The following SLC18A1 variants were observed in gnomAD, a reference collection of about 807,000 sequenced individuals.
The protein encoded by SLC18A1 is chromaffin granule amine transporter.
In SLC18A1, 69 loss-of-function variants were observed where a neutral mutation model predicts 53.7. The observed-to-expected ratio is 1.28, with a 90% CI of 1.06 to 1.57. The LOEUF (loss-of-function observed/expected upper bound fraction) is 1.57, where lower values mean the gene tolerates loss of function less well. SLC18A1 is among the 40% of genes most tolerant of loss of function. The pLI is 0.00. For missense variants in SLC18A1, 932 were observed against 668.1 expected (o/e 1.40, Z -4.35); for synonymous variants, 320 against 248.1 (o/e 1.29, Z -2.72).
chr8:20,163,522 G>C (rs1282213321), intron 10 of SLC18A1, among the ~76,000 whole-genome samples: 1 of 152,116 alleles, frequency 6.6e-6, no homozygotes, highest in African/African-American at 2.4e-5. Context: ...CAAGCACTCA[G>C]AGGCAGACTA....
At position 20,149,729 on chromosome 8, in the gene SLC18A1, T is replaced by C. The variant is rs1377383425; in HGVS notation, c.1095-2A>G. The C allele has an allele frequency of 1.2e-6, 2 of 1,613,686 alleles. No individual in the cohort carries two copies. The highest frequency in any genetic ancestry group is 2.7e-5 in the African/African-American group (2 of 74,802). On this transcript the variant is annotated splice_acceptor_variant, in intron 11 of 15. Transcript: ENST00000276373. LOFTEE classifies it high-confidence loss of function. ...ATCCCGATTAGGGAACACAGCCACC[T>C]GGAAGAAAAAAGCCATCATCAAACA... is the stretch of plus-strand genomic sequence containing the variant.
rs768825662 is a variant in SLC18A1, at chr8:20,179,465, G to A, written c.144C>T (p.Phe48=). 46 of 1,611,692 alleles carry A rather than the reference G, an allele frequency of 2.9e-5. No individual in the cohort carries two copies. Among genetic ancestry groups the A allele is most frequent in the Non-Finnish European group, 3.9e-5 (46 of 1,178,810 alleles). The change falls in exon 3 of 16, where the codon TTC becomes TTT. Residue 48 remains phenylalanine (F), a synonymous_variant. Transcript: ENST00000276373. ...CTTCTTTGAACTCCATGTCATATAG[G>A]AAGGTGGGCACAATTGGCACTGAAA... ...FTVVVPIVPT[F]LYDMEFKEVN... is the part of the protein sequence containing the mutation.
rs2071382758 is a variant in SLC18A1, at chr8:20,145,859, G to C, written c.1482C>G (p.Asp494Glu). 4 of 1,607,376 alleles carry C rather than the reference G, an allele frequency of 2.5e-6. No homozygotes were observed. Among genetic ancestry groups the C allele is most frequent in the Non-Finnish European group, 1.7e-6 (2 of 1,176,622 alleles). The change falls in exon 16 of 16, where the codon GAC becomes GAG. Residue 494 changes from aspartate to glutamate, a missense_variant. Asp to Glu is a conservative substitution (Grantham distance 45). Transcript: ENST00000276373. ...CATACATCCGGGTCTCCATGGGGCA[G>C]TCCTGACTCAGAATAGCCTGCAGAG... ...KEEKLAILSQ[D>E]CPMETRMYAT...
Position 20,147,705 on chromosome 8 carries a change from T to A in SLC18A1, c.1228A>T (p.Met410Leu), listed in dbSNP as rs1182481625. The A allele has an allele frequency of 6.2e-7, 1 of 1,613,506 alleles. No individual in the cohort carries two copies. The highest frequency in any genetic ancestry group is 8.5e-7 in the Non-Finnish European group (1 of 1,179,888). Residue 410 changes from methionine (M) to leucine (L), a missense_variant, in exon 14 of 16, where the codon ATG (methionine) becomes TTG (leucine). Coordinates refer to ENST00000276373, the MANE Select transcript of SLC18A1 (RefSeq NM_003053.4). ...ACCAGGTGCCCCATGATGGGCATCA[T>A]AGAAGAATCCACCATGCCTGTGGCC... ...GLAIGMVDSS[M>L]MPIMGHLVDL...
intron 10 of SLC18A1, among the ~76,000 whole-genome samples, chr8:20,162,281 G>A (rs949558471): frequency 2.0e-5 from 3 of 152,146 alleles, no homozygotes; most frequent in African/African-American, 7.2e-5. Context: ...AAATGCCTTT[G>A]GGTCTTTCTC....
At chr8:20,171,590 C>A in intron 6 of SLC18A1, 96 bp from the exon 7 acceptor site, 1 of 920,512 alleles carries the variant, frequency 1.1e-6, no homozygotes. Flanking sequence ...TGCAGAAGGC[C>A]TGCTAGGGGC....
intron 10 of SLC18A1, among the ~76,000 whole-genome samples, chr8:20,153,955 T>A (rs1169527771): frequency 6.6e-6 from 1 of 152,134 alleles, no homozygotes; most frequent in African/African-American, 2.4e-5. Context: ...GGTGTTTGGG[T>A]CATGGGAATG....
chr8:20,159,634 CAAAAAAAAAAAAAAAAAA>C lies in SLC18A1; in HGVS notation c.1015+5217_1015+5234del, dbSNP rs200123466. On this transcript the variant is annotated intron_variant, in intron 10 of 15. Transcript: ENST00000276373. ...TCACTCTATTAAATCTTGCAGCTGC[CAAAAAAAAAAAAAAAAAA>C]AAAAAAAAAAAGAAAGAAAAAGAAA... is the stretch of plus-strand genomic sequence containing the variant. 7.2e-4 allele frequency among the ~76,000 whole-genome samples: 59 copies of C among 81,520 alleles called. 1 individual carries two copies. Among genetic ancestry groups the C allele is most frequent in the Middle Eastern group, 9.4e-3 (1 of 106 alleles). The allele number at this position is 81,520 out of a possible 152,430, so 53.5% of individuals were successfully genotyped here.
chr8:20,148,222 G>T (rs1451149180), intron 12 of SLC18A1, 152 bp from the exon 13 acceptor site: 1 of 730,324 alleles, frequency 1.4e-6, no homozygotes, highest in Non-Finnish European at 2.3e-6. Flanking sequence ...TCATGGAAAA[G>T]AATCTATACC....
intron 10 of SLC18A1, among the ~76,000 whole-genome samples, chr8:20,151,199 G>A (rs373588873): frequency 3.7e-4 from 55 of 148,382 alleles, no homozygotes; most frequent in African/African-American, 1.1e-3. Flanking sequence ...ATGGAGTCTC[G>A]TCATGTTGCC....
intron 3 of SLC18A1, among the ~76,000 whole-genome samples, 178 bp downstream of exon 3, chr8:20,178,943 C>T (rs1174603100): frequency 2.6e-5 from 4 of 152,148 alleles, no homozygotes; most frequent in East Asian, 3.8e-4. Flanking sequence ...AAATCTGATC[C>T]CATAACATTT....
chr8:20,162,633 GT>G (rs1330752628), intron 10 of SLC18A1, among the ~76,000 whole-genome samples: 1 of 152,174 alleles, frequency 6.6e-6, no homozygotes, highest in Admixed American at 6.5e-5. Context: ...AGTCTGCCAA[GT>G]TTTTTGTAAC....
intron 12 of SLC18A1, chr8:20,148,590 G>C (rs892217472): frequency 3.5e-5 from 22 of 623,316 alleles, no homozygotes; most frequent in Non-Finnish European, 5.8e-5. Flanking sequence ...AGGTGGTGTG[G>C]CTTGGGTCCC....
chr8:20,171,159 G>A lies in SLC18A1; in HGVS notation c.815-13C>T, dbSNP rs900802706. 2.5e-6 allele frequency: 4 copies of A among 1,614,062 alleles called. No individual in the cohort carries two copies. In the African/African-American group the frequency reaches 4.0e-5, roughly 16 times the overall value. On this transcript the variant is annotated splice_polypyrimidine_tract_variant and intron_variant, in intron 7 of 15. Transcript: ENST00000276373. ...CAAAGCTGGAGTGCTAAGAAACAAA[G>A]AAGGTGAGACAGTTCAGCGTGTCTA...
Position 20,149,071 on chromosome 8 carries a change from C to G in SLC18A1, c.1146+605G>C, listed in dbSNP as rs17092106. ...TGGTCTTGAGCACAGTTTACAGTGC[C>G]TTGTAGCCCTGTTCTTCTCTCCCTC... On this transcript the variant is annotated intron_variant, in intron 12 of 15. Coordinates refer to ENST00000276373, the MANE Select transcript of SLC18A1 (RefSeq NM_003053.4). Among the ~76,000 whole-genome samples, 540 of 152,274 alleles carry G rather than the reference C, an allele frequency of 3.5e-3. 5 individuals carry two copies. Among genetic ancestry groups the G allele is most frequent in the African/African-American group, 0.013 (521 of 41,552 alleles).
At chr8:20,159,315 G>A (rs2071759461) in intron 10 of SLC18A1, among the ~76,000 whole-genome samples, 1 of 152,088 alleles carries the variant, frequency 6.6e-6, no homozygotes, top group African/African-American at 2.4e-5. Context: ...TAACAGACAG[G>A]ACTAGCTGGA....
In SLC18A1 at chr8:20,161,307, T is replaced by C. The variant is rs142339839; in HGVS notation, c.1015+3562A>G. ...ACTTGGCCCTTTGTATTTGCAGGTT[T>C]CACATCCTTGGATTCAACTAATCGC... On this transcript the variant is annotated intron_variant, in intron 10 of 15. Transcript: ENST00000276373. Among the ~76,000 whole-genome samples, 142 of 152,200 alleles carry C rather than the reference T, an allele frequency of 9.3e-4. 1 individual carries two copies. The highest frequency in any genetic ancestry group is 1.7e-3 in the Non-Finnish European group (117 of 68,028).
At chr8:20,151,522 C>G (rs1299506655) in intron 10 of SLC18A1, among the ~76,000 whole-genome samples, 1 of 152,134 alleles carries the variant, frequency 6.6e-6, no homozygotes, top group African/African-American at 2.4e-5. Flanking sequence ...AATTACTAAA[C>G]CTTTCTGAGC....
chr8:20,174,669 G>A (rs968895113), intron 4 of SLC18A1, among the ~76,000 whole-genome samples: 6 of 152,114 alleles, frequency 3.9e-5, no homozygotes, highest in African/African-American at 9.7e-5. Context: ...AGTATAAACC[G>A]AGTCACCACA....
Sources: allele counts gnomAD v4.1 joint callset (sites outside exome capture counted in the v4.1 genomes callset), GRCh38; gene constraint gnomAD v4.1.1; transcripts MANE v1.5; gene names NCBI Gene and HGNC (gene_info 2026-07-23, HGNC 2026-07-21).